The following PCDH15 variants were observed in gnomAD, a reference collection of about 807,000 sequenced individuals.
The protein encoded by PCDH15 is protocadherin-15.
Under a neutral mutation model 178.5 loss-of-function variants are expected in PCDH15, and 129 were observed. The observed-to-expected ratio is 0.72, with a 90% confidence interval of 0.63 to 0.84. The LOEUF (loss-of-function observed/expected upper bound fraction) is 0.84, where lower values mean the gene tolerates loss of function less well. Ranked by LOEUF, PCDH15 falls within the 40% of genes least tolerant of loss-of-function variation. The pLI is 0.00. For missense variants in PCDH15, 2,230 were observed against 2,099.9 expected, an observed-to-expected ratio of 1.06 and a Z score of -1.21; for synonymous variants, 800 against 732.0, an observed-to-expected ratio of 1.09 and a Z score of -1.50.
At chr10:54,897,861 T>C (rs1457415919) in intron 2 of PCDH15, among the ~76,000 whole-genome samples, 1 of 152,112 alleles carries the variant, frequency 6.6e-6, no homozygotes, top group Non-Finnish European at 1.5e-5. Context: ...ATGCTAGATA[T>C]TTTACCTAAA....
intron 8 of PCDH15, 69 bp downstream of exon 8, chr10:54,317,202 A>C: frequency 6.6e-7 from 1 of 1,515,846 alleles, no homozygotes; most frequent in Non-Finnish European, 9.2e-7. Context: ...TGTCTACAAA[A>C]TACTTGAACA....
intron 3 of PCDH15, among the ~76,000 whole-genome samples, chr10:54,476,250 A>G (rs1161321092): frequency 6.6e-6 from 1 of 151,912 alleles, no homozygotes; most frequent in African/African-American, 2.4e-5. Flanking sequence ...TCCACAAGGC[A>G]TACACTCAAG....
intron 1 of PCDH15, among the ~76,000 whole-genome samples, chr10:54,783,997 A>C (rs1442213397): frequency 3.3e-5 from 5 of 151,636 alleles, no homozygotes; most frequent in Non-Finnish European, 5.9e-5. Context: ...GAAACAAGGC[A>C]CCTTTTTCAC....
chr10:55,526,545 C>G (rs1324583350), intron 2 of PCDH15, among the ~76,000 whole-genome samples: 1 of 152,000 alleles, frequency 6.6e-6, no homozygotes, highest in Non-Finnish European at 1.5e-5. Flanking sequence ...TATTGTGAGA[C>G]TCTTTCTACC....
At chr10:55,236,751 G>T (rs566119620) in intron 1 of PCDH15, among the ~76,000 whole-genome samples, 1 of 151,930 alleles carries the variant, frequency 6.6e-6, no homozygotes, top group African/African-American at 2.4e-5. Flanking sequence ...GAAAATATTA[G>T]CTATAAGTGT....
chr10:55,578,010 G>C (rs948429851), intron 2 of PCDH15, among the ~76,000 whole-genome samples: 1 of 151,974 alleles, frequency 6.6e-6, no homozygotes, highest in African/African-American at 2.4e-5. Context: ...CATAACAATT[G>C]AAAGTGAAAA....
intron 28 of PCDH15, among the ~76,000 whole-genome samples, chr10:53,853,366 T>C (rs1304367603): frequency 6.6e-6 from 1 of 151,996 alleles, no homozygotes; most frequent in African/African-American, 2.4e-5. Flanking sequence ...TTGACAACGA[T>C]TTATTGAATA....
intron 2 of PCDH15, among the ~76,000 whole-genome samples, chr10:55,489,302 A>G (rs541239288): frequency 2.4e-4 from 36 of 151,748 alleles, no homozygotes; most frequent in African/African-American, 8.4e-4. Flanking sequence ...TGTGTCAGAA[A>G]TATAACAGGT....
chr10:54,908,075 C>T (rs1172850395), intron 2 of PCDH15, among the ~76,000 whole-genome samples: 1 of 152,188 alleles, frequency 6.6e-6, no homozygotes, highest in Non-Finnish European at 1.5e-5. Flanking sequence ...AGCTGGAAAC[C>T]TCTGTGGCCA....
At chr10:54,295,564 A>G (rs2384442) in intron 8 of PCDH15, among the ~76,000 whole-genome samples, 77,580 of 152,094 alleles carry the variant, frequency 0.51, 20,494 homozygotes, top group Middle Eastern at 0.6. Context: ...GTGAGACTAC[A>G]AACCCACTGG....
intron 26 of PCDH15, among the ~76,000 whole-genome samples, chr10:53,893,208 C>T (rs988898619): frequency 2.0e-5 from 3 of 151,974 alleles, no homozygotes; most frequent in African/African-American, 4.8e-5. Flanking sequence ...CATTTGATGT[C>T]ACCAGTGAGG....
At chr10:54,922,943 G>C (rs546731091) in intron 2 of PCDH15, among the ~76,000 whole-genome samples, 8 of 152,130 alleles carry the variant, frequency 5.3e-5, no homozygotes, top group African/African-American at 1.9e-4. Context: ...CTGTGTGGGC[G>C]CTCCAACCCC....
intron 2 of PCDH15, among the ~76,000 whole-genome samples, chr10:54,610,959 T>C (rs911410946): frequency 1.3e-5 from 2 of 151,862 alleles, no homozygotes; most frequent in Non-Finnish European, 2.9e-5. Context: ...TGGTCAGTGT[T>C]ATTTGCTTCT....
At chr10:54,246,131 G>A (rs1477423440) in intron 8 of PCDH15, among the ~76,000 whole-genome samples, 1 of 151,892 alleles carries the variant, frequency 6.6e-6, no homozygotes, top group Non-Finnish European at 1.5e-5. Flanking sequence ...AATATTCACT[G>A]CACAATATAT....
At chr10:54,035,550 C>A (rs960378434) in intron 18 of PCDH15, among the ~76,000 whole-genome samples, 1 of 151,818 alleles carries the variant, frequency 6.6e-6, no homozygotes, top group Non-Finnish European at 1.5e-5. Context: ...ATTTTTTTGA[C>A]ACATGGTCCA....
intron 2 of PCDH15, among the ~76,000 whole-genome samples, chr10:54,929,031 C>CTCT (rs1837700400): frequency 6.6e-6 from 1 of 152,162 alleles, no homozygotes; most frequent in Non-Finnish European, 1.5e-5. Context: ...AGAGTTATTG[C>CTCT]ATTGGTTCTT....
At chr10:54,483,187 G>A (rs2078845634) in intron 3 of PCDH15, among the ~76,000 whole-genome samples, 1 of 151,766 alleles carries the variant, frequency 6.6e-6, no homozygotes, top group Non-Finnish European at 1.5e-5. Flanking sequence ...TCTTGACTGA[G>A]TTACAGTCAA....
chr10:55,273,889 C>T (rs1842515151), intron 1 of PCDH15, among the ~76,000 whole-genome samples: 1 of 151,354 alleles, frequency 6.6e-6, no homozygotes, highest in South Asian at 2.1e-4. Flanking sequence ...AGAATCCAGG[C>T]TCAATAACAA....
intron 1 of PCDH15, among the ~76,000 whole-genome samples, chr10:54,787,886 T>C (rs1463964172): frequency 6.6e-6 from 1 of 151,944 alleles, no homozygotes. Context: ...TTATCTTCTC[T>C]TTTGAATAAA....
Sources: gnomAD v4.1 joint callset for allele counts (sites outside exome capture counted in the v4.1 genomes callset) on GRCh38, gnomAD v4.1.1 for gene constraint, MANE v1.5 for transcripts, NCBI Gene and HGNC (gene_info 2026-07-23, HGNC 2026-07-21) for gene names.